KIDINS220: variants seen among roughly 807,000 people sequenced by gnomAD.
KIDINS220 encodes kinase D-interacting substrate of 220 kDa.
Under a neutral mutation model 157.6 loss-of-function variants are expected in KIDINS220, and 63 were observed. The observed-to-expected ratio is 0.40, with a 90% confidence interval of 0.33 to 0.49. KIDINS220 has a LOEUF of 0.49. Ranked by LOEUF, KIDINS220 falls within the 20% of genes least tolerant of loss-of-function variation. KIDINS220 has a pLI of 0.66. For missense variants in KIDINS220, 1,772 were observed against 2,171.2 expected (o/e 0.82, Z 3.65); for synonymous variants, 732 against 783.6 (o/e 0.93, Z 1.10).
rs558177292 is a variant in KIDINS220, at chr2:8,798,310, T to TA, written c.901-11dup. Reference sequence around the variant, plus strand: ...AAGCAGTTTTATTATCCTAGATAATTAAAAAAAACACAATCACTTCATGTA... The same window carrying TA: ...AAGCAGTTTTATTATCCTAGATAATTAAAAAAAAACACAATCACTTCATGTA... On this transcript the variant is annotated splice_polypyrimidine_tract_variant and intron_variant, in intron 9 of 29. Coordinates refer to ENST00000256707, the MANE Select transcript of KIDINS220 (RefSeq NM_020738.4). 2,607 of 1,422,196 alleles carry TA rather than the reference T, an allele frequency of 1.8e-3. 34 individuals are homozygous for TA. The African/African-American group carries it at 0.03, about 17-fold the overall frequency. 88.1% of individuals were successfully genotyped at this position (1,422,196 alleles called of 1,614,324 possible). A position where few individuals can be genotyped will look rare whatever the true frequency, so the allele number is the denominator to read the frequency against.
chr2:8,767,027 A>T (rs1165688007), intron 22 of KIDINS220, among the ~76,000 whole-genome samples: 6 of 152,230 alleles, frequency 3.9e-5, no homozygotes, highest in Admixed American at 3.9e-4. Context: ...CTTGGCAAAT[A>T]TACAAATGTC....
At chr2:8,818,896 T>C in intron 2 of KIDINS220, 103 bp from the exon 3 acceptor site, 9 of 531,598 alleles carry the variant, frequency 1.7e-5, no homozygotes, top group Non-Finnish European at 3.3e-6. Flanking sequence ...ATGTTAAGCA[T>C]TGTTTAGTTG....
At chr2:8,779,835 T>G in intron 17 of KIDINS220, 21 bp from the exon 18 acceptor site, 1 of 1,612,460 alleles carries the variant, frequency 6.2e-7, no homozygotes, top group South Asian at 1.1e-5. Context: ...AAGGAAGGTA[T>G]AGAAAGCACT....
In KIDINS220 at chr2:8,776,864, C is replaced by T; in HGVS notation, c.2732G>A (p.Arg911Lys). 6.2e-7 allele frequency: 1 copy of T among 1,613,878 alleles called. No individual in the cohort carries two copies. Among genetic ancestry groups the T allele is most frequent in the Non-Finnish European group, 8.5e-7 (1 of 1,179,898 alleles). Residue 911 changes from arginine (R) to lysine (K), a missense_variant, in exon 21 of 30, where the codon AGG becomes AAG. Coordinates refer to ENST00000256707, the MANE Select transcript of KIDINS220 (RefSeq NM_020738.4). ...RDTYRRRQMQ[R>K]TITRQMSFDL... ...AAAGGACATCTGGCGAGTGATGGTC[C>T]TCTGCATCTGCCTTCTTCGGTAAGT...
chr2:8,802,903 G>A (rs186832806), intron 8 of KIDINS220, 27 bp downstream of exon 8: 1 of 1,599,198 alleles, frequency 6.3e-7, no homozygotes, highest in Admixed American at 1.7e-5. Flanking sequence ...TCACCACTAG[G>A]AGACAAATGT....
intron 27 of KIDINS220, among the ~76,000 whole-genome samples, chr2:8,735,465 G>A (rs934177218): frequency 6.6e-6 from 1 of 152,138 alleles, no homozygotes; most frequent in Admixed American, 6.5e-5. Flanking sequence ...CCAGGAGGCG[G>A]GAGGTTGCAG....
chr2:8,755,944 T>C (rs527858335), intron 22 of KIDINS220, among the ~76,000 whole-genome samples: 38 of 152,336 alleles, frequency 2.5e-4, no homozygotes, highest in Admixed American at 5.2e-4. Flanking sequence ...TTTTTCAAGG[T>C]TGCTTGGTTA....
Position 8,731,475 on chromosome 2 carries a change from T to C in KIDINS220, c.4561A>G (p.Ser1521Gly), listed in dbSNP as rs1383771707. 4 of 1,614,184 alleles carry C rather than the reference T, an allele frequency of 2.5e-6. No individual in the cohort carries two copies. The South Asian group carries it at 4.4e-5, about 18-fold the overall frequency. Reference sequence around the variant, plus strand: ...TCTGTGCCAGATTCATCCTCGTCACTTGGGAGTTTTTGATAGCGCAGCCCA... The same window carrying C: ...TCTGTGCCAGATTCATCCTCGTCACCTGGGAGTTTTTGATAGCGCAGCCCA... The part of the protein sequence containing the change: ...GSGLRYQKLP[S>G]DEDESGTEES... Residue 1521 changes from serine (S) to glycine (G), a missense_variant, in exon 30 of 30, where the codon AGT becomes GGT. By Grantham distance (56) the Ser-to-Gly change is moderately conservative. Around this residue, in one of 3 missense-constraint regions of KIDINS220, gnomAD observed 793 missense variants for 885.5 expected, o/e 0.90. Coordinates refer to ENST00000256707, the MANE Select transcript of KIDINS220 (RefSeq NM_020738.4). This position sits in a 1 kb window ranked among gnomAD's most constrained non-coding sequence, Gnocchi z 5.2.
At chr2:8,800,356 GCAATTATA>G in intron 9 of KIDINS220, 36 bp downstream of exon 9, 1 of 1,246,968 alleles carries the variant, frequency 8.0e-7, no homozygotes, top group Non-Finnish European at 1.2e-6. Context: ...ACACTTACAT[GCAATTATA>G]CTCTAAGATA....
At chr2:8,744,945 T>C (rs2148020501) in intron 26 of KIDINS220, among the ~76,000 whole-genome samples, 1 of 152,344 alleles carries the variant, frequency 6.6e-6, no homozygotes, top group Non-Finnish European at 1.5e-5. Flanking sequence ...ATATGGTTAT[T>C]CTACTAGACA....
At chr2:8,810,967 T>C (rs1020784404) in intron 6 of KIDINS220, among the ~76,000 whole-genome samples, 24 of 152,214 alleles carry the variant, frequency 1.6e-4, no homozygotes, top group Non-Finnish European at 2.9e-4. Context: ...GTAATATTTT[T>C]AAAAGAGGTA....
downstream of KIDINS220, chr2:8,721,500 A>G (rs1222077018): frequency 6.6e-6 from 1 of 152,252 alleles, no homozygotes; most frequent in African/African-American, 2.4e-5. Flanking sequence ...TATAATTCAC[A>G]TGGCTATAGA....
chr2:8,744,087 T>C (rs1246245834), intron 26 of KIDINS220, among the ~76,000 whole-genome samples: 1 of 146,696 alleles, frequency 6.8e-6, no homozygotes, highest in Non-Finnish European at 1.5e-5. Flanking sequence ...TTAACATCTT[T>C]TATATTACTA....
intron 22 of KIDINS220, chr2:8,757,888 G>A: frequency 2.8e-6 from 3 of 1,055,698 alleles, no homozygotes; most frequent in Non-Finnish European, 4.2e-6. Flanking sequence ...TTAAGATGGA[G>A]TTTCACTCTT....
rs750415555 is a variant in KIDINS220 at position 8,827,020 on chromosome 2, A to G, written c.74T>C (p.Leu25Pro). The G allele has an allele frequency of 1.9e-6, 3 of 1,610,266 alleles. No individual in the cohort carries two copies. Among genetic ancestry groups the G allele is most frequent in the East Asian group, 2.2e-5 (1 of 44,750 alleles). The stretch of plus-strand genomic sequence containing the variant: ...CTCATCTACATCTTTGCATTTTTCA[A>G]GAAGAGCTTTCAGAGCAGGAATGTT... ...EENIPALKAL[L>P]EKCKDVDERN... Residue 25 changes from leucine (L) to proline (P), a missense_variant, in exon 2 of 30, where the codon CTT (leucine) becomes CCT (proline). Leu to Pro is a moderately conservative substitution (Grantham distance 98). Around this residue, in one of 3 missense-constraint regions of KIDINS220, gnomAD observed 254 missense variants for 268.6 expected, o/e 0.95. Coordinates refer to ENST00000256707, the MANE Select transcript of KIDINS220 (RefSeq NM_020738.4).
rs1281238798 is a variant in KIDINS220, at chr2:8,780,850, AAAAAG to A, written c.2230-1041_2230-1037del. On this transcript the variant is annotated intron_variant, in intron 17 of 29. Coordinates refer to ENST00000256707, the MANE Select transcript of KIDINS220 (RefSeq NM_020738.4). ...AATGCTCAATAAAAGCATAAAAGAC[AAAAAG>A]AAGAGTAGAAGACAAAAATAGGAAC... 2.0e-5 allele frequency among the ~76,000 whole-genome samples: 3 copies of A among 151,964 alleles called. No homozygotes were observed. In the East Asian group the frequency reaches 5.8e-4, roughly 29 times the overall value.
At chr2:8,778,798 AAAC>A (rs1005421955) in intron 19 of KIDINS220, 71 bp from the exon 20 acceptor site, 62 of 1,591,762 alleles carry the variant, frequency 3.9e-5, no homozygotes, top group African/African-American at 3.0e-4. Context: ...AAGAAATGTG[AAAC>A]AACAACAATA....
intron 22 of KIDINS220, among the ~76,000 whole-genome samples, chr2:8,765,571 T>C (rs1170805383): frequency 1.3e-5 from 2 of 152,252 alleles, no homozygotes; most frequent in African/African-American, 4.8e-5. Context: ...ATTAGTCTTA[T>C]AAATTCTTGC....
At chr2:8,824,483 C>T (rs1034745124) in intron 2 of KIDINS220, among the ~76,000 whole-genome samples, 1 of 152,102 alleles carries the variant, frequency 6.6e-6, no homozygotes, top group African/African-American at 2.4e-5. Flanking sequence ...GAGTTGGAGA[C>T]CAGCCTGGGC....
Sources: allele counts gnomAD v4.1 joint callset (sites outside exome capture counted in the v4.1 genomes callset), GRCh38; gene constraint gnomAD v4.1.1; regional missense constraint gnomAD v4.1.1; non-coding constraint Gnocchi (gnomAD v3.1); transcripts MANE v1.5; gene names NCBI Gene and HGNC (gene_info 2026-07-23, HGNC 2026-07-21).